The following NAALADL2 variants were observed in gnomAD, a reference collection of about 807,000 sequenced individuals.
NAALADL2 encodes the protein N-acetylated alpha-linked acidic dipeptidase like 2, also known as inactive N-acetylated-alpha-linked acidic dipeptidase-like protein 2.
Under a neutral mutation model 87.2 loss-of-function variants are expected in NAALADL2, and 76 were observed. The observed-to-expected ratio is 0.87, with a 90% CI of 0.72 to 1.05. The LOEUF (loss-of-function observed/expected upper bound fraction) is 1.05. NAALADL2 is among the 50% of genes least tolerant of loss of function. The pLI, the probability that NAALADL2 is intolerant of heterozygous loss-of-function variation, is 0.00. For missense variants in NAALADL2, 1,089 were observed against 945.8 expected (o/e 1.15, Z -1.99); for synonymous variants, 354 against 331.0 (o/e 1.07, Z -0.75).
intron 2 of NAALADL2, among the ~76,000 whole-genome samples, chr3:175,204,404 G>A (rs1439410213): frequency 6.6e-6 from 1 of 152,088 alleles, no homozygotes; most frequent in African/African-American, 2.4e-5. Flanking sequence ...ATCACTCTAT[G>A]ATTAAAACTG....
rs548192539 is a variant in NAALADL2, at chr3:174,967,901, GACATACTGACATAAGAA to G, written c.43+108455_43+108471del. ...GGTTGTTATGCAGCAATACACAGCTGACATACTGACATAAGAAACAATTACCCATCTTTAGATGTAAC... is the reference window on the plus strand; with the variant it reads ...GGTTGTTATGCAGCAATACACAGCTGACAATTACCCATCTTTAGATGTAAC... On this transcript the variant is annotated intron_variant, in intron 1 of 13. Coordinates refer to ENST00000454872, the MANE Select transcript of NAALADL2 (RefSeq NM_207015.3). Among the ~76,000 whole-genome samples the G allele has an allele frequency of 6.8e-3, 1,030 of 152,244 alleles. 4 individuals carry two copies. The highest frequency in any genetic ancestry group is 0.011 in the Non-Finnish European group (741 of 68,014).
chr3:175,464,070 A>C (rs1723603659), intron 7 of NAALADL2, among the ~76,000 whole-genome samples: 1 of 151,932 alleles, frequency 6.6e-6, no homozygotes, highest in South Asian at 2.1e-4. Context: ...TCCTATCCTC[A>C]TGTGATCCAC....
chr3:175,188,092 C>T (rs1737609303), intron 2 of NAALADL2, among the ~76,000 whole-genome samples: 1 of 152,124 alleles, frequency 6.6e-6, no homozygotes, highest in Non-Finnish European at 1.5e-5. Flanking sequence ...AAGCTCTTTT[C>T]ATTCTGCAAT....
At chr3:174,703,134 T>C (rs1450608655) in intron 2 of NAALADL2, among the ~76,000 whole-genome samples, 1 of 152,176 alleles carries the variant, frequency 6.6e-6, no homozygotes, top group African/African-American at 2.4e-5. Flanking sequence ...AATCTTTTAA[T>C]TTAATGTAAT....
At chr3:175,082,762 T>C (rs535779338) in intron 1 of NAALADL2, among the ~76,000 whole-genome samples, 2 of 152,342 alleles carry the variant, frequency 1.3e-5, no homozygotes, top group South Asian at 4.1e-4. Context: ...GCATCTGTTT[T>C]TGTCCTAAAA....
chr3:175,215,052 T>G (rs564214574), intron 2 of NAALADL2, among the ~76,000 whole-genome samples: 3 of 152,222 alleles, frequency 2.0e-5, no homozygotes, highest in East Asian at 3.9e-4. Context: ...CAGCCCTCTT[T>G]TTTTCCCAAA....
intron 2 of NAALADL2, among the ~76,000 whole-genome samples, chr3:174,604,147 T>G (rs1718739311): frequency 6.6e-6 from 1 of 152,160 alleles, no homozygotes; most frequent in Non-Finnish European, 1.5e-5. Context: ...AGATCAGTGC[T>G]GAAAGTGAGA....
chr3:175,430,081 G>T (rs2149158775), intron 5 of NAALADL2, among the ~76,000 whole-genome samples: 1 of 151,828 alleles, frequency 6.6e-6, no homozygotes, highest in Admixed American at 6.6e-5. Flanking sequence ...ATTTTACTTA[G>T]ATAATTAAAA....
intron 1 of NAALADL2, among the ~76,000 whole-genome samples, chr3:174,996,894 T>G (rs963736037): frequency 1.3e-5 from 2 of 152,062 alleles, no homozygotes; most frequent in Non-Finnish European, 2.9e-5. Context: ...AATATTTGGT[T>G]TTCCATTCAT....
At chr3:175,432,601 A>G (rs578137821) in intron 5 of NAALADL2, among the ~76,000 whole-genome samples, 2 of 152,062 alleles carry the variant, frequency 1.3e-5, no homozygotes, top group African/African-American at 4.8e-5. Flanking sequence ...TCATTTAATC[A>G]TGTTGATTCT....
At chr3:175,039,002 T>C (rs1310628674) in intron 1 of NAALADL2, among the ~76,000 whole-genome samples, 1 of 152,148 alleles carries the variant, frequency 6.6e-6, no homozygotes, top group Non-Finnish European at 1.5e-5. Flanking sequence ...TAGTGGAATT[T>C]ATCACATGGT....
At chr3:175,256,344 AAATGGAC>A in intron 3 of NAALADL2, 60 bp from the exon 4 acceptor site, 3 of 1,439,190 alleles carry the variant, frequency 2.1e-6, no homozygotes, top group Non-Finnish European at 2.8e-6. Context: ...TTGTTATACT[AAATGGAC>A]AATTGGCTAT....
At position 175,342,713 on chromosome 3, in the gene NAALADL2, G is replaced by T. The variant is rs558078333; in HGVS notation, c.1090+18388G>T. On this transcript the variant is annotated intron_variant, in intron 5 of 13. Transcript: ENST00000454872. ...AATAGCAATAAATCAAAAGAAAAAT[G>T]CTTTCCATTATTTTTATTACTACCT... 5.3e-5 allele frequency among the ~76,000 whole-genome samples: 8 copies of T among 152,112 alleles called. 1 individual carries two copies. The highest frequency in any genetic ancestry group is 1.9e-4 in the African/African-American group (8 of 41,530).
chr3:174,887,444 T>G (rs1410631416), intron 1 of NAALADL2, among the ~76,000 whole-genome samples: 1 of 152,288 alleles, frequency 6.6e-6, no homozygotes, highest in Middle Eastern at 3.4e-3. Context: ...AATTTATCCT[T>G]GTTATTCATT....
At chr3:175,146,202 C>T (rs990981720) in intron 2 of NAALADL2, among the ~76,000 whole-genome samples, 3 of 151,948 alleles carry the variant, frequency 2.0e-5, no homozygotes, top group East Asian at 1.9e-4. Flanking sequence ...CTTACATAAC[C>T]TTCTTCATAC....
rs558796035 is a variant in NAALADL2 at position 175,232,899 on chromosome 3, T to TAA, written c.546-1024_546-1023dup. On this transcript the variant is annotated intron_variant, in intron 2 of 13. Coordinates refer to ENST00000454872, the MANE Select transcript of NAALADL2 (RefSeq NM_207015.3). Reference sequence around the variant, plus strand: ...TTTATTAATATTTCAGCCACAAAATTAAAAAAAAACTTTCTCAGGATTAAA... The same window carrying TAA: ...TTTATTAATATTTCAGCCACAAAATTAAAAAAAAAAACTTTCTCAGGATTAAA... 4.7e-3 allele frequency among the ~76,000 whole-genome samples: 373 copies of TAA among 79,312 alleles called. 3 individuals carry two copies. The highest frequency in any genetic ancestry group is 0.022 in the Middle Eastern group (3 of 138). 52.0% of individuals were successfully genotyped at this position (79,312 alleles called of 152,430 possible). A position where few individuals can be genotyped will look rare whatever the true frequency, so the allele number is the denominator to read the frequency against.
intron 2 of NAALADL2, among the ~76,000 whole-genome samples, chr3:175,226,653 AG>A (rs1670056228): frequency 6.6e-6 from 1 of 152,142 alleles, no homozygotes; most frequent in Non-Finnish European, 1.5e-5. Flanking sequence ...GTGATGATTA[AG>A]CATAATAGTA....
chr3:175,808,651 G>A lies in NAALADL2; in HGVS notation c.*5448G>A, dbSNP rs535500834. On this transcript the variant is annotated 3_prime_UTR_variant, in exon 14 of 14. Coordinates refer to ENST00000454872, the MANE Select transcript of NAALADL2 (RefSeq NM_207015.3). Reference sequence around the variant, plus strand: ...TTATTTTCCAGGGGCTAATTAATATGCACCACCTAAGTCCCCAAAGGATCA... The same window carrying A: ...TTATTTTCCAGGGGCTAATTAATATACACCACCTAAGTCCCCAAAGGATCA... 6.6e-6 allele frequency: 1 copy of A among 151,880 alleles called. No homozygotes were observed. The highest frequency in any genetic ancestry group is 2.4e-5 in the African/African-American group (1 of 41,382). The allele number at this position is 151,880 out of a possible 1,614,324, so 9.4% of individuals were successfully genotyped here. A position where few individuals can be genotyped will look rare whatever the true frequency, so the allele number is the denominator to read the frequency against.
chr3:174,859,165 A>G, upstream of NAALADL2: 1 of 427,418 alleles, frequency 2.3e-6, no homozygotes, highest in South Asian at 5.4e-5. Flanking sequence ...ACTGAAACAA[A>G]GCAATGTTTT....
Sources: allele counts gnomAD v4.1 joint callset (sites outside exome capture counted in the v4.1 genomes callset), GRCh38; gene constraint gnomAD v4.1.1; transcripts MANE v1.5; gene names NCBI Gene and HGNC (gene_info 2026-07-23, HGNC 2026-07-21).